LDLRAD4: variants seen among roughly 807,000 people sequenced by gnomAD.
The protein encoded by LDLRAD4 is low-density lipoprotein receptor class A domain-containing protein 4.
LDLRAD4 carries 5 observed loss-of-function variants against 17.0 expected under a neutral mutation model. The observed-to-expected ratio is 0.29, with a 90% confidence interval of 0.15 to 0.62. The LOEUF is 0.62. Ranked by LOEUF, LDLRAD4 falls within the 20% of genes least tolerant of loss-of-function variation. The pLI, the probability that LDLRAD4 is intolerant of heterozygous loss-of-function variation, is 0.84. For synonymous variants in LDLRAD4, 168 were observed against 171.8 expected (o/e 0.98, Z 0.17); for missense variants, 340 against 424.7 (o/e 0.80, Z 1.75).
At chr18:13,296,405 T>A (rs920249246) in intron 1 of LDLRAD4, among the ~76,000 whole-genome samples, 1 of 152,114 alleles carries the variant, frequency 6.6e-6, no homozygotes, top group Non-Finnish European at 1.5e-5. Flanking sequence ...AAGATCAAGG[T>A]GCTGTCAGGG....
chr18:13,578,916 C>T (rs945734745), intron 3 of LDLRAD4, among the ~76,000 whole-genome samples: 3 of 130,170 alleles, frequency 2.3e-5, no homozygotes, highest in Admixed American at 9.1e-5. Context: ...TTTGGCCGGG[C>T]GCAGTGGCTC....
intron 2 of LDLRAD4, among the ~76,000 whole-genome samples, chr18:13,418,424 C>T (rs184772558): frequency 2.6e-5 from 4 of 152,368 alleles, no homozygotes; most frequent in East Asian, 1.9e-4. Context: ...TCTTCCGGGT[C>T]GTTCTTCCTG....
intron 3 of LDLRAD4, among the ~76,000 whole-genome samples, chr18:13,544,700 A>G (rs1463947578): frequency 6.6e-6 from 1 of 152,188 alleles, no homozygotes; most frequent in Non-Finnish European, 1.5e-5. Context: ...ACCTGTTGAC[A>G]GTGAAGCTAA....
At chr18:13,226,238 C>CTCAAATT (rs1489085060) in intron 1 of LDLRAD4, among the ~76,000 whole-genome samples, 1 of 130,324 alleles carries the variant, frequency 7.7e-6, no homozygotes, top group Admixed American at 9.0e-5. Flanking sequence ...CCAGGCTGGT[C>CTCAAATT]TCAAATTCCC....
rs368237327 is a variant in LDLRAD4 at position 13,327,232 on chromosome 18, G to A, written c.-383+49044G>A. Among the ~76,000 whole-genome samples the A allele has an allele frequency of 5.3e-5, 8 of 152,148 alleles. No homozygotes were observed. In the South Asian group the frequency reaches 1.2e-3, roughly 24 times the overall value. On this transcript the variant is annotated intron_variant, in intron 1 of 5. Transcript: ENST00000359446. The stretch of plus-strand genomic sequence containing the variant: ...TAGTGATGGAGCCACTTTGGTTAGC[G>A]TTTTGTTAAGTATGAACTTGTGAAT...
chr18:13,544,885 C>T (rs1339560735), intron 3 of LDLRAD4, among the ~76,000 whole-genome samples: 13 of 122,848 alleles, frequency 1.1e-4, no homozygotes, highest in African/African-American at 1.8e-4. Context: ...GATGGTTTGT[C>T]TTTTTTTTTT....
chr18:13,519,291 A>G lies in LDLRAD4; in HGVS notation c.181+80907A>G, dbSNP rs118077663. 3.9e-5 allele frequency among the ~76,000 whole-genome samples: 6 copies of G among 152,218 alleles called. No homozygotes were observed. In the East Asian group the frequency reaches 9.6e-4, roughly 24 times the overall value. ...TTGCCAGACATGAAACTCACTCACC[A>G]TCCTTCTAGTTCCAGAAACATGTGG... On this transcript the variant is annotated intron_variant, in intron 3 of 5. Transcript: ENST00000359446.
chr18:13,246,488 A>G (rs980056179), intron 1 of LDLRAD4, among the ~76,000 whole-genome samples: 1 of 152,212 alleles, frequency 6.6e-6, no homozygotes, highest in Non-Finnish European at 1.5e-5. Flanking sequence ...GGAGATGGGG[A>G]GTGATTTATG....
At chr18:13,290,580 G>A (rs1053935874) in intron 1 of LDLRAD4, among the ~76,000 whole-genome samples, 21 of 151,334 alleles carry the variant, frequency 1.4e-4, no homozygotes, top group African/African-American at 2.9e-4. Context: ...AAAGATCTGC[G>A]TTTGTTTTAG....
chr18:13,589,819 A>G lies in LDLRAD4; in HGVS notation c.182-31298A>G, dbSNP rs183111514. ...GAGGTGTTGAGAGGTTATGACGCCCAGGAGAGGTGAATGCAGGGAGGGAAT... is the reference window on the plus strand; with the variant it reads ...GAGGTGTTGAGAGGTTATGACGCCCGGGAGAGGTGAATGCAGGGAGGGAAT... On this transcript the variant is annotated intron_variant, in intron 3 of 5. Coordinates refer to ENST00000359446, the Ensembl canonical transcript of LDLRAD4. Among the ~76,000 whole-genome samples, 592 of 152,214 alleles carry G rather than the reference A, an allele frequency of 3.9e-3. 6 individuals are homozygous for G. The highest frequency in any genetic ancestry group is 0.014 in the African/African-American group (566 of 41,530).
chr18:13,301,596 C>T (rs542975196), intron 1 of LDLRAD4, among the ~76,000 whole-genome samples: 18 of 152,332 alleles, frequency 1.2e-4, no homozygotes, highest in Non-Finnish European at 2.5e-4. Context: ...CACCTTGTCC[C>T]CAGGAGCCAA....
At chr18:13,293,601 G>C (rs751305195) in intron 1 of LDLRAD4, among the ~76,000 whole-genome samples, 3 of 152,208 alleles carry the variant, frequency 2.0e-5, no homozygotes, top group Non-Finnish European at 4.4e-5. Flanking sequence ...AGAGCAACAA[G>C]GAGAAGGGTT....
chr18:13,276,807 C>G (rs975717152), upstream of LDLRAD4, among the ~76,000 whole-genome samples: 1 of 152,190 alleles, frequency 6.6e-6, no homozygotes, highest in Non-Finnish European at 1.5e-5. Flanking sequence ...CAGCTTCCAC[C>G]TACACTCAAG....
intron 1 of LDLRAD4, among the ~76,000 whole-genome samples, chr18:13,302,571 G>T (rs1053654352): frequency 1.3e-5 from 2 of 152,180 alleles, no homozygotes; most frequent in African/African-American, 4.8e-5. Context: ...TTACTGATGT[G>T]CATGGAGGCC....
intron 4 of LDLRAD4, among the ~76,000 whole-genome samples, chr18:13,628,776 A>T (rs1201488831): frequency 1.3e-5 from 2 of 152,186 alleles, no homozygotes; most frequent in Non-Finnish European, 2.9e-5. Context: ...AGTGTCTCAA[A>T]TAGTCCTTCT....
chr18:13,229,124 G>A (rs539852953), intron 1 of LDLRAD4, among the ~76,000 whole-genome samples: 2 of 152,226 alleles, frequency 1.3e-5, no homozygotes, highest in Non-Finnish European at 2.9e-5. Flanking sequence ...AGGAGGCAGC[G>A]TCCAGGCTGC....
rs371119129 is a variant in LDLRAD4 at position 13,412,895 on chromosome 18, C to G, written c.40+25133C>G. Among the ~76,000 whole-genome samples the G allele has an allele frequency of 3.9e-5, 6 of 152,194 alleles. No homozygotes were observed. In the South Asian group the frequency reaches 1.2e-3, roughly 31 times the overall value. The stretch of plus-strand genomic sequence containing the variant: ...AGCAGCTTCTCAAATTTTTATTGAT[C>G]TATGAACCGAGCTGAGAAGTTCATA... On this transcript the variant is annotated intron_variant, in intron 2 of 5. Coordinates refer to ENST00000359446, the Ensembl canonical transcript of LDLRAD4.
intron 1 of LDLRAD4, among the ~76,000 whole-genome samples, chr18:13,333,510 G>A (rs2081967313): frequency 6.6e-6 from 1 of 152,082 alleles, no homozygotes; most frequent in Admixed American, 6.5e-5. Context: ...CATCTCCTAT[G>A]TTATTTTCTG....
intron 3 of LDLRAD4, among the ~76,000 whole-genome samples, chr18:13,558,312 C>G (rs557866680): frequency 6.6e-6 from 1 of 152,168 alleles, no homozygotes; most frequent in East Asian, 1.9e-4. Context: ...CCTGGGGATC[C>G]GCCCAGGCCA....
Sources: gnomAD v4.1 joint callset for allele counts (sites outside exome capture counted in the v4.1 genomes callset) on GRCh38, gnomAD v4.1.1 for gene constraint, MANE v1.5 for transcripts, NCBI Gene and HGNC (gene_info 2026-07-23, HGNC 2026-07-21) for gene names.